The following RTN4 variants were observed in gnomAD, a reference collection of about 807,000 sequenced individuals.
The protein encoded by RTN4 is reticulon 4.
A neutral mutation model predicts 90.4 loss-of-function variants in RTN4; 32 were observed. That is an observed-to-expected ratio of 0.35 (90% CI 0.27 to 0.48). The LOEUF is 0.48. Among genes scored for constraint, RTN4 ranks in the 20% least tolerant of loss-of-function variants. The pLI is 0.99. For synonymous variants in RTN4, 629 were observed against 552.5 expected (o/e 1.14, Z -1.94); for missense variants, 1,706 against 1,430.2 (o/e 1.19, Z -3.11).
intron 3 of RTN4, among the ~76,000 whole-genome samples, chr2:54,995,394 G>T (rs1049630178): frequency 2.6e-5 from 4 of 152,076 alleles, no homozygotes; most frequent in Admixed American, 6.6e-5. Context: ...GTTAAATCAA[G>T]GAACAAATGT....
At chr2:55,036,926 TGAAGA>T (rs1032481945) in intron 1 of RTN4, among the ~76,000 whole-genome samples, 4 of 152,174 alleles carry the variant, frequency 2.6e-5, no homozygotes, top group Non-Finnish European at 5.9e-5. Context: ...CGTAAAGATC[TGAAGA>T]GAAAAGTAAA....
intron 1 of RTN4, among the ~76,000 whole-genome samples, chr2:55,096,071 G>C (rs1373725848): frequency 6.6e-6 from 1 of 152,152 alleles, no homozygotes; most frequent in Non-Finnish European, 1.5e-5. Flanking sequence ...GCTCACGCCT[G>C]TTCCTAGCAC....
At chr2:55,040,588 G>A (rs1683004395) in intron 1 of RTN4, among the ~76,000 whole-genome samples, 1 of 152,158 alleles carries the variant, frequency 6.6e-6, no homozygotes, top group African/African-American at 2.4e-5. Flanking sequence ...GAATCCTTAA[G>A]TAAGCTTCTC....
chr2:55,020,341 T>C (rs12464070), intron 3 of RTN4, among the ~76,000 whole-genome samples: 73,969 of 151,304 alleles, frequency 0.49, 18,418 homozygotes, highest in South Asian at 0.57. Context: ...GGTACTGGCA[T>C]AAAAACAGAA....
At chr2:55,036,543 AG>A (rs1452981934) in intron 1 of RTN4, among the ~76,000 whole-genome samples, 68 of 142,600 alleles carry the variant, frequency 4.8e-4, no homozygotes, top group Non-Finnish European at 7.5e-4. Context: ...CAGAGGTTGC[AG>A]TGAGCCAATA....
rs144212144 is a variant in RTN4 at position 55,035,375 on chromosome 2, C to T, written c.557-7155G>A. On this transcript the variant is annotated intron_variant, in intron 1 of 8. Coordinates refer to ENST00000337526, the MANE Select transcript of RTN4 (RefSeq NM_020532.5). ...CCTCAAATGTTTAAAAACGAAACTA[C>T]AGAATTCTAAATAATCCATGAATCA... is the stretch of plus-strand genomic sequence containing the variant. Among the ~76,000 whole-genome samples the T allele has an allele frequency of 8.9e-3, 1,353 of 152,052 alleles. 23 individuals are homozygous for T. The highest frequency in any genetic ancestry group is 0.014 in the Middle Eastern group (4 of 292).
chr2:54,991,936 G>C (rs1161702597), intron 3 of RTN4, among the ~76,000 whole-genome samples: 1 of 152,152 alleles, frequency 6.6e-6, no homozygotes, highest in African/African-American at 2.4e-5. Flanking sequence ...ATACGCTTAA[G>C]CCTGATAGAT....
the RTN4 span, among the ~76,000 whole-genome samples, chr2:55,137,450 G>A: frequency 1.3e-5 from 2 of 152,170 alleles, no homozygotes. Context: ...CACGTCAGTG[G>A]GAATAGACAG....
At position 55,077,810 on chromosome 2, in the gene RTN4, C is replaced by T. The variant is rs59094943; in HGVS notation, c.-63+2679G>A. 2.0e-3 allele frequency among the ~76,000 whole-genome samples: 298 copies of T among 145,856 alleles called. 10 individuals carry two copies. The East Asian group carries it at 0.044, about 22-fold the overall frequency. On this transcript the variant is annotated intron_variant, in intron 2 of 3. Transcript: ENST00000427710. ...ACACACACAGACACACCATATAATA[C>T]TACTCGGCCATAAAAAGGAATGAAA...
upstream of RTN4, among the ~76,000 whole-genome samples, chr2:55,115,626 C>T (rs1668110783): frequency 6.6e-6 from 1 of 152,248 alleles, no homozygotes; most frequent in South Asian, 2.1e-4. Flanking sequence ...ACTAATGCTA[C>T]TGCCCAAGAA....
At chr2:55,115,568 C>T (rs534303950), upstream of RTN4, among the ~76,000 whole-genome samples, 19 of 152,198 alleles carry the variant, frequency 1.2e-4, no homozygotes, top group Non-Finnish European at 2.6e-4. Flanking sequence ...ACATCCTTAT[C>T]ACAAAATCAT....
At chr2:55,082,801 G>A (rs1483579058) in intron 1 of RTN4, among the ~76,000 whole-genome samples, 2 of 152,016 alleles carry the variant, frequency 1.3e-5, no homozygotes, top group Admixed American at 6.6e-5. Context: ...TCACTTAATC[G>A]TTACAGCCTA....
At chr2:55,068,638 G>C (rs1482467971) in intron 2 of RTN4, among the ~76,000 whole-genome samples, 2 of 126,794 alleles carry the variant, frequency 1.6e-5, no homozygotes, top group African/African-American at 3.0e-5. Context: ...TTGTCTGCCA[G>C]TCGCTCTTTC....
chr2:55,045,283 T>A (rs1400437449), intron 1 of RTN4, among the ~76,000 whole-genome samples: 3 of 152,318 alleles, frequency 2.0e-5, no homozygotes, highest in East Asian at 3.9e-4. Flanking sequence ...TTTACATTCA[T>A]GGTTTCCAAG....
At chr2:55,066,176 T>TGTGTGG (rs1668386490) in intron 2 of RTN4, among the ~76,000 whole-genome samples, 1 of 106,186 alleles carries the variant, frequency 9.4e-6, no homozygotes, top group Non-Finnish European at 2.0e-5. Context: ...CATTTGTGTG[T>TGTGTGG]GTGTGTGTGT....
In RTN4 at chr2:55,059,313, T is replaced by G. The variant is rs867139665; in HGVS notation, c.-63+21176A>C. On this transcript the variant is annotated intron_variant, in intron 2 of 3. Coordinates refer to the RTN4 transcript ENST00000427710. ...AATCTATGATTTAGACTTAATTGTT[T>G]TTTTTTTTTAATATACTTAATACAT... Among the ~76,000 whole-genome samples the G allele has an allele frequency of 9.1e-3, 758 of 83,658 alleles. 2 individuals are homozygous for G. The highest frequency in any genetic ancestry group is 0.012 in the African/African-American group (365 of 30,034). 54.9% of individuals were successfully genotyped at this position (83,658 alleles called of 152,430 possible). A position where few individuals can be genotyped will look rare whatever the true frequency, so the allele number is the denominator to read the frequency against.
At chr2:55,074,262 G>A (rs1668562913) in intron 2 of RTN4, among the ~76,000 whole-genome samples, 2 of 152,170 alleles carry the variant, frequency 1.3e-5, no homozygotes, top group South Asian at 4.1e-4. Flanking sequence ...AGTGCTTTGG[G>A]AAACTGAGGT....
intron 1 of RTN4, among the ~76,000 whole-genome samples, chr2:55,106,670 C>T (rs1406739228): frequency 2.0e-5 from 3 of 152,042 alleles, no homozygotes; most frequent in Admixed American, 1.3e-4. Context: ...CAGGCGTGCA[C>T]CACCATGCCC....
At chr2:55,013,622 G>T (rs61193936) in intron 3 of RTN4, among the ~76,000 whole-genome samples, 4 of 101,406 alleles carry the variant, frequency 3.9e-5, no homozygotes, top group African/African-American at 1.5e-4. Flanking sequence ...GGGGGGGGAG[G>T]GTGTAGGGGG....
Sources: gnomAD v4.1 joint callset for allele counts (sites outside exome capture counted in the v4.1 genomes callset) on GRCh38, gnomAD v4.1.1 for gene constraint, MANE v1.5 for transcripts, NCBI Gene and HGNC (gene_info 2026-07-23, HGNC 2026-07-21) for gene names.